The following MGA variants were observed in gnomAD, a reference collection of about 807,000 sequenced individuals.
MGA encodes the protein MAX gene-associated protein.
MGA carries 40 observed loss-of-function variants against 261.1 expected under a neutral mutation model. That is an observed-to-expected ratio of 0.15 (90% CI 0.12 to 0.20). The LOEUF (loss-of-function observed/expected upper bound fraction) is 0.20. Among genes scored for constraint, MGA ranks in the 10% least tolerant of loss-of-function variants. The pLI is 1.00. For missense variants in MGA, 3,397 were observed against 3,630.5 expected (o/e 0.94, Z 1.65); for synonymous variants, 1,302 against 1,290.6 (o/e 1.01, Z -0.19).
At chr15:41,694,985 C>G (rs766996335) in intron 2 of MGA, among the ~76,000 whole-genome samples, 10 of 151,996 alleles carry the variant, frequency 6.6e-5, no homozygotes, top group Non-Finnish European at 1.0e-4. Flanking sequence ...AAAAAAATGC[C>G]CACAATCCTT....
chr15:41,752,657 C>T (rs536091322), intron 17 of MGA, among the ~76,000 whole-genome samples: 35 of 148,832 alleles, frequency 2.4e-4, no homozygotes, highest in African/African-American at 7.2e-4. Context: ...TCGGTTCAAG[C>T]GATTCTTCTG....
At chr15:41,632,408 C>G (rs2056609306) in intron 1 of MGA, among the ~76,000 whole-genome samples, 1 of 152,136 alleles carries the variant, frequency 6.6e-6, no homozygotes, top group Middle Eastern at 3.2e-3. Context: ...TTAACAGCAC[C>G]CAGAACCAAC....
intron 1 of MGA, among the ~76,000 whole-genome samples, chr15:41,661,069 C>T (rs567388088): frequency 6.6e-6 from 1 of 152,280 alleles, no homozygotes; most frequent in South Asian, 2.1e-4. Flanking sequence ...TAATTTCCGG[C>T]CAAATTGTTT....
At chr15:41,634,441 C>T (rs924111798) in intron 1 of MGA, among the ~76,000 whole-genome samples, 10 of 152,164 alleles carry the variant, frequency 6.6e-5, no homozygotes, top group African/African-American at 2.4e-4. Flanking sequence ...GGCTTTATCT[C>T]CTGTCATCTC....
chr15:41,744,238 C>G (rs1043910358), intron 15 of MGA, among the ~76,000 whole-genome samples: 2 of 151,906 alleles, frequency 1.3e-5, no homozygotes, highest in East Asian at 1.9e-4. Context: ...GAGTCTTGCT[C>G]TGTTGCCCAG....
rs766109584 is a variant in MGA at position 41,749,281 on chromosome 15, A to G, written c.5674A>G (p.Ser1892Gly). The G allele has an allele frequency of 1.7e-5, 28 of 1,613,884 alleles. No individual in the cohort carries two copies. The highest frequency in any genetic ancestry group is 5.3e-5 in the African/African-American group (4 of 74,928). Residue 1892 changes from serine (S) to glycine (G), a missense_variant, in exon 17 of 24, where the codon AGT becomes GGT. Ser to Gly is a moderately conservative substitution (Grantham distance 56). Transcript: ENST00000219905. ...ACCATCATTGCTTTCCTCTGGAGCT[A>G]GTTTTGTGTCTCAGGCTGGTACATT...
chr15:41,678,265 A>G (rs1459527431), intron 2 of MGA, among the ~76,000 whole-genome samples: 1 of 151,102 alleles, frequency 6.6e-6, no homozygotes, highest in African/African-American at 2.4e-5. Flanking sequence ...TAATTTTTGT[A>G]TTTTTAGTAG....
intron 9 of MGA, among the ~76,000 whole-genome samples, chr15:41,717,447 A>G (rs184731532): frequency 2.0e-5 from 3 of 152,362 alleles, no homozygotes; most frequent in African/African-American, 7.2e-5. Context: ...TAGGAATGAA[A>G]GGTGACTTCA....
intron 1 of MGA, among the ~76,000 whole-genome samples, chr15:41,665,977 A>G (rs964096227): frequency 2.6e-5 from 4 of 151,504 alleles, no homozygotes; most frequent in Admixed American, 6.6e-5. Context: ...GTGCAGTGAT[A>G]TGGTTATGGC....
At chr15:41,625,960 T>C (rs953234798) in intron 1 of MGA, among the ~76,000 whole-genome samples, 10 of 152,172 alleles carry the variant, frequency 6.6e-5, no homozygotes, top group Admixed American at 2.6e-4. Context: ...GGTCTGAAAA[T>C]ATTTTGAGAG....
chr15:41,655,659 A>G (rs2057150928), upstream of MGA, among the ~76,000 whole-genome samples: 1 of 152,198 alleles, frequency 6.6e-6, no homozygotes, highest in Admixed American at 6.5e-5. Context: ...GGCAGACTGT[A>G]TCCAGTCAAT....
At chr15:41,724,357 A>G (rs753622540) in intron 9 of MGA, among the ~76,000 whole-genome samples, 18 of 152,118 alleles carry the variant, frequency 1.2e-4, no homozygotes, top group East Asian at 1.2e-3. Flanking sequence ...CGTATTCATC[A>G]TATTGCCTGT....
intron 1 of MGA, among the ~76,000 whole-genome samples, chr15:41,639,390 C>T (rs991497467): frequency 6.6e-6 from 1 of 151,932 alleles, no homozygotes; most frequent in Non-Finnish European, 1.5e-5. Context: ...GAATGTTTGT[C>T]ATTCCTATTT....
intron 2 of MGA, among the ~76,000 whole-genome samples, chr15:41,684,878 G>A (rs983745617): frequency 6.6e-6 from 1 of 152,170 alleles, no homozygotes; most frequent in African/African-American, 2.4e-5. Flanking sequence ...CTTTTCTGTA[G>A]TTTTTGCTTG....
chr15:41,671,725 T>A (rs1412605774), intron 2 of MGA, among the ~76,000 whole-genome samples: 2 of 152,226 alleles, frequency 1.3e-5, no homozygotes, highest in African/African-American at 4.8e-5. Context: ...TTGCTAAAAT[T>A]GTAGGCCACT....
chr15:41,743,268 G>C, intron 15 of MGA, 96 bp downstream of exon 15: 1 of 1,355,336 alleles, frequency 7.4e-7, no homozygotes, highest in Non-Finnish European at 9.9e-7. Flanking sequence ...CAGGATAACA[G>C]TATAGGTATT....
intron 9 of MGA, among the ~76,000 whole-genome samples, chr15:41,722,275 G>A (rs1247322788): frequency 6.6e-6 from 1 of 151,678 alleles, no homozygotes; most frequent in Non-Finnish European, 1.5e-5. Flanking sequence ...GACTACAGGC[G>A]CCCGCCACCA....
chr15:41,640,417 G>A (rs1487850451), intron 1 of MGA, among the ~76,000 whole-genome samples: 1 of 152,160 alleles, frequency 6.6e-6, no homozygotes, highest in African/African-American at 2.4e-5. Context: ...GAGTTGTTGA[G>A]CCTAGAGAAG....
chr15:41,733,511 C>T (rs1025762475), intron 11 of MGA, among the ~76,000 whole-genome samples: 2 of 152,192 alleles, frequency 1.3e-5, no homozygotes, highest in African/African-American at 4.8e-5. Flanking sequence ...GCTGGGGGCT[C>T]CACCTTCGCT....
Sources: gnomAD v4.1 joint callset for allele counts (sites outside exome capture counted in the v4.1 genomes callset) on GRCh38, gnomAD v4.1.1 for gene constraint, MANE v1.5 for transcripts, NCBI Gene and HGNC (gene_info 2026-07-23, HGNC 2026-07-21) for gene names.